The following URGCP variants were observed in gnomAD, a reference collection of about 807,000 sequenced individuals.
URGCP encodes the protein upregulator of cell proliferation.
A neutral mutation model predicts 24.6 loss-of-function variants in URGCP; 13 were observed. That is an observed-to-expected ratio of 0.53 (90% CI 0.34 to 0.84). The LOEUF (loss-of-function observed/expected upper bound fraction) is 0.84. URGCP is among the 40% of genes least tolerant of loss of function. The pLI, the probability that URGCP is intolerant of heterozygous loss-of-function variation, is 0.01. For missense variants in URGCP, 899 were observed against 1,194.3 expected, an observed-to-expected ratio of 0.75 and a Z score of 3.64; for synonymous variants, 444 against 487.2, an observed-to-expected ratio of 0.91 and a Z score of 1.17.
At chr7:43,915,639 C>T (rs752786021) in intron 1 of URGCP, among the ~76,000 whole-genome samples, 3 of 152,226 alleles carry the variant, frequency 2.0e-5, no homozygotes, top group Non-Finnish European at 4.4e-5. Context: ...GTGTTCCACA[C>T]CACATACCAT....
intron 1 of URGCP, among the ~76,000 whole-genome samples, chr7:43,912,511 G>A (rs187104756): frequency 3.3e-5 from 5 of 152,194 alleles, no homozygotes; most frequent in African/African-American, 9.6e-5. Context: ...GGAAGTGTAA[G>A]TCCTCCAGCT....
chr7:43,895,581 A>AG (rs2095877030), intron 1 of URGCP, among the ~76,000 whole-genome samples: 1 of 152,232 alleles, frequency 6.6e-6, no homozygotes, highest in Non-Finnish European at 1.5e-5. Context: ...AGGCTGAGGC[A>AG]TGAGAATCAC....
At chr7:43,907,736 G>T (rs1344597806), upstream of URGCP, among the ~76,000 whole-genome samples, 1 of 152,132 alleles carries the variant, frequency 6.6e-6, no homozygotes, top group Non-Finnish European at 1.5e-5. Context: ...TCCTCTCTGT[G>T]AAGATTAAAT....
chr7:43,909,530 A>C (rs1390902624), upstream of URGCP, among the ~76,000 whole-genome samples: 1 of 150,590 alleles, frequency 6.6e-6, no homozygotes, highest in African/African-American at 2.4e-5. Flanking sequence ...AGTTTGAGAC[A>C]GCCTGGCCAA....
At chr7:43,883,707 T>C (rs1271184937) in intron 3 of URGCP, among the ~76,000 whole-genome samples, 2 of 152,134 alleles carry the variant, frequency 1.3e-5, no homozygotes, top group Non-Finnish European at 2.9e-5. Context: ...TTCGGATATT[T>C]TCAGATTTAT....
intron 3 of URGCP, among the ~76,000 whole-genome samples, chr7:43,885,033 T>C (rs1186082749): frequency 6.6e-6 from 1 of 152,102 alleles, no homozygotes; most frequent in African/African-American, 2.4e-5. Context: ...CTGGCTTACA[T>C]AGGTAAGTTC....
Position 43,882,428 on chromosome 7 carries a change from C to T in URGCP, c.113-471G>A, listed in dbSNP as rs112692524. 3.4e-3 allele frequency among the ~76,000 whole-genome samples: 510 copies of T among 152,162 alleles called. 3 individuals carry two copies. The highest frequency in any genetic ancestry group is 0.011 in the African/African-American group (468 of 41,512). On this transcript the variant is annotated intron_variant, in intron 3 of 5. Coordinates refer to ENST00000453200, the MANE Select transcript of URGCP (RefSeq NM_001077663.3). ...TCATGCCACTGCACTCCAGCCTGGG[C>T]GACAGAGTGAGGCTATCTCAAAAAC... is the stretch of plus-strand genomic sequence containing the variant.
At chr7:43,914,974 A>G (rs1031117921) in intron 1 of URGCP, among the ~76,000 whole-genome samples, 1 of 152,174 alleles carries the variant, frequency 6.6e-6, no homozygotes. Flanking sequence ...GCTCAGACTA[A>G]CGGCCCGCAT....
chr7:43,920,623 G>T (rs2095921233), intron 1 of URGCP, among the ~76,000 whole-genome samples: 1 of 152,086 alleles, frequency 6.6e-6, no homozygotes, highest in African/African-American at 2.4e-5. Context: ...TTTGGATCTT[G>T]TTTTTCTGGA....
intron 3 of URGCP, among the ~76,000 whole-genome samples, chr7:43,886,011 T>A (rs752299506): frequency 1.3e-5 from 2 of 152,242 alleles, no homozygotes; most frequent in Non-Finnish European, 2.9e-5. Context: ...TGGCCAATAA[T>A]CCCCATGGTG....
intron 3 of URGCP, among the ~76,000 whole-genome samples, chr7:43,883,336 ACATATATATATATATATATATATATATT>A (rs1263593696): frequency 6.6e-5 from 8 of 121,914 alleles, no homozygotes; most frequent in Admixed American, 2.6e-4. Context: ...ATATATATAT[ACATATATATATATATATATATATATATT>A]TTTTTTTTTT....
At chr7:43,895,024 T>C (rs1318182017) in intron 1 of URGCP, among the ~76,000 whole-genome samples, 1 of 152,044 alleles carries the variant, frequency 6.6e-6, no homozygotes, top group Non-Finnish European at 1.5e-5. Flanking sequence ...AGAAAGACTC[T>C]GTCTCAAATT....
chr7:43,876,589 A>G lies in URGCP; in HGVS notation c.*78T>C. On this transcript the variant is annotated 3_prime_UTR_variant, in exon 6 of 6. Transcript: ENST00000453200. ...ACCAGCCATTCTCAGGCACCAGAGC[A>G]CAGCCCCACACGGGTGCCCCATCAG... 6.7e-7 allele frequency: 1 copy of G among 1,481,706 alleles called. No homozygotes were observed. Among genetic ancestry groups the G allele is most frequent in the Non-Finnish European group, 9.2e-7 (1 of 1,091,822 alleles). 91.8% of individuals were successfully genotyped at this position (1,481,706 alleles called of 1,614,324 possible).
At chr7:43,925,448 TCTTAC>T (rs2095928081) in intron 1 of URGCP, among the ~76,000 whole-genome samples, 1 of 152,158 alleles carries the variant, frequency 6.6e-6, no homozygotes, top group South Asian at 2.1e-4. Flanking sequence ...CTTCCACAAT[TCTTAC>T]CTTTACTATG....
At chr7:43,914,152 C>G (rs1201728752) in intron 1 of URGCP, among the ~76,000 whole-genome samples, 1 of 152,192 alleles carries the variant, frequency 6.6e-6, no homozygotes, top group East Asian at 1.9e-4. Context: ...TGCCACCACA[C>G]CTGGCTAATT....
At chr7:43,905,936 A>T (rs2132714510) in intron 1 of URGCP, 1 of 152,360 alleles carries the variant, frequency 6.6e-6, no homozygotes, top group South Asian at 2.1e-4. Context: ...AAATCAAAAA[A>T]GTTGAAAAGA....
At chr7:43,891,466 C>T (rs1386799871) in intron 1 of URGCP, among the ~76,000 whole-genome samples, 1 of 152,152 alleles carries the variant, frequency 6.6e-6, no homozygotes, top group African/African-American at 2.4e-5. Flanking sequence ...TCTTCATGGT[C>T]CAGGACACAT....
chr7:43,906,672 C>T (rs1562587312), upstream of URGCP: 3 of 1,072,354 alleles, frequency 2.8e-6, no homozygotes, highest in East Asian at 1.7e-4. Context: ...CGCCCGCCCG[C>T]TCCGGGACGC....
At chr7:43,886,137 T>C (rs1371808134) in intron 3 of URGCP, among the ~76,000 whole-genome samples, 1 of 152,196 alleles carries the variant, frequency 6.6e-6, no homozygotes, top group Non-Finnish European at 1.5e-5. Flanking sequence ...CAAAAAATAT[T>C]TGTTTGAATG....
Sources: gnomAD v4.1 joint callset for allele counts (sites outside exome capture counted in the v4.1 genomes callset) on GRCh38, gnomAD v4.1.1 for gene constraint, MANE v1.5 for transcripts, NCBI Gene and HGNC (gene_info 2026-07-23, HGNC 2026-07-21) for gene names.